TMEM117: variants seen among roughly 807,000 people sequenced by gnomAD.
The protein encoded by TMEM117 is transmembrane protein 117.
Under a neutral mutation model 52.4 loss-of-function variants are expected in TMEM117, and 27 were observed. The observed-to-expected ratio is 0.51, with a 90% CI of 0.38 to 0.71. TMEM117 has a LOEUF of 0.71. TMEM117 is among the 30% of genes least tolerant of loss of function. The pLI, the probability that TMEM117 is intolerant of heterozygous loss-of-function variation, is 0.00. For synonymous variants in TMEM117, 215 were observed against 206.3 expected (o/e 1.04, Z -0.36); for missense variants, 556 against 630.5 (o/e 0.88, Z 1.26).
chr12:44,126,923 T>C (rs1427630632), intron 3 of TMEM117, among the ~76,000 whole-genome samples: 1 of 152,190 alleles, frequency 6.6e-6, no homozygotes, highest in South Asian at 2.1e-4. Flanking sequence ...AAGAGAGCCA[T>C]GTAGTTCTGT....
At chr12:44,338,240 C>A (rs1951368290) in intron 6 of TMEM117, among the ~76,000 whole-genome samples, 1 of 152,008 alleles carries the variant, frequency 6.6e-6, no homozygotes, top group Non-Finnish European at 1.5e-5. Flanking sequence ...GGATTTGAAA[C>A]TGATTAAAGA....
At chr12:44,151,984 T>C (rs1302890797) in intron 4 of TMEM117, among the ~76,000 whole-genome samples, 2 of 118,094 alleles carry the variant, frequency 1.7e-5, no homozygotes, top group Non-Finnish European at 3.2e-5. Flanking sequence ...TATATTTATA[T>C]ATAAACATTA....
chr12:44,215,700 A>T (rs1949705909), intron 5 of TMEM117, among the ~76,000 whole-genome samples: 2 of 151,198 alleles, frequency 1.3e-5, no homozygotes, highest in Non-Finnish European at 3.0e-5. Context: ...GAATTTTAGG[A>T]TGATATTTCC....
chr12:44,270,273 A>C (rs1050835338), intron 5 of TMEM117, among the ~76,000 whole-genome samples: 2 of 152,208 alleles, frequency 1.3e-5, no homozygotes, highest in South Asian at 2.1e-4. Flanking sequence ...GGTTGTTAAT[A>C]GTTTCTTTCA....
At chr12:43,971,211 T>TAAA (rs1228715921) in intron 3 of TMEM117, among the ~76,000 whole-genome samples, 4 of 152,168 alleles carry the variant, frequency 2.6e-5, no homozygotes, top group Non-Finnish European at 5.9e-5. Flanking sequence ...ATGCTCTCCT[T>TAAA]ATTATTTCTT....
intron 5 of TMEM117, among the ~76,000 whole-genome samples, chr12:44,258,255 C>CA (rs78408523): frequency 0.17 from 26,379 of 151,896 alleles, 3,148 homozygotes; most frequent in African/African-American, 0.34. Flanking sequence ...CTATTACATT[C>CA]AAAAATGTTT....
rs574920530 is a variant in TMEM117, at chr12:44,130,525, G to A, written c.411-13000G>A. Among the ~76,000 whole-genome samples, 4 of 152,214 alleles carry A rather than the reference G, an allele frequency of 2.6e-5. No individual in the cohort carries two copies. The East Asian group carries it at 7.7e-4, about 29-fold the overall frequency. ...TTTGTAATTATATAATGTTTTTGGT[G>A]AGGGGGTTTTGACTTCTTTTCTGTG... On this transcript the variant is annotated intron_variant, in intron 3 of 7. Coordinates refer to ENST00000266534, the MANE Select transcript of TMEM117 (RefSeq NM_032256.3).
At chr12:43,831,607 A>C (rs1942983061), upstream of TMEM117, among the ~76,000 whole-genome samples, 1 of 150,948 alleles carries the variant, frequency 6.6e-6, no homozygotes, top group Non-Finnish European at 1.5e-5. Context: ...GCAGTGGCGC[A>C]ATCTTGGCTC....
At chr12:44,101,974 A>G (rs1483994272) in intron 3 of TMEM117, among the ~76,000 whole-genome samples, 4 of 152,072 alleles carry the variant, frequency 2.6e-5, no homozygotes, top group African/African-American at 9.7e-5. Flanking sequence ...AAACTGATCT[A>G]TACACATTTA....
At chr12:44,282,128 T>C (rs764577110) in intron 5 of TMEM117, among the ~76,000 whole-genome samples, 6 of 152,186 alleles carry the variant, frequency 3.9e-5, no homozygotes, top group Non-Finnish European at 7.3e-5. Context: ...GTTGCCACCA[T>C]GTAAGAAGTG....
chr12:44,019,279 T>C (rs1477645325), intron 3 of TMEM117, among the ~76,000 whole-genome samples: 1 of 151,922 alleles, frequency 6.6e-6, no homozygotes, highest in African/African-American at 2.4e-5. Flanking sequence ...GCAAGTCCTG[T>C]AGAGCAGGTT....
intron 6 of TMEM117, among the ~76,000 whole-genome samples, chr12:44,327,662 T>A (rs904078370): frequency 6.6e-6 from 1 of 152,226 alleles, no homozygotes; most frequent in Non-Finnish European, 1.5e-5. Flanking sequence ...TAACGGATAG[T>A]TTTAACTTCC....
At chr12:43,852,077 T>C in intron 2 of TMEM117, among the ~76,000 whole-genome samples, 1 of 150,772 alleles carries the variant, frequency 6.6e-6, no homozygotes, top group East Asian at 1.9e-4. Context: ...GATGGGCTGA[T>C]CACGAGGTCA....
At chr12:44,384,572 A>C (rs879634530) in intron 7 of TMEM117, among the ~76,000 whole-genome samples, 4 of 152,132 alleles carry the variant, frequency 2.6e-5, no homozygotes, top group Admixed American at 1.3e-4. Context: ...GATTTTTAAC[A>C]TGTTAAATAT....
intron 5 of TMEM117, chr12:44,263,521 T>G (rs746325216): frequency 2.0e-5 from 3 of 152,254 alleles, no homozygotes; most frequent in Non-Finnish European, 2.9e-5. Context: ...TAAATCATTC[T>G]ACCATAAAGA....
chr12:43,898,038 A>ACG (rs759609805), intron 2 of TMEM117, among the ~76,000 whole-genome samples: 14 of 138,466 alleles, frequency 1.0e-4, no homozygotes, highest in Non-Finnish European at 1.7e-4. Flanking sequence ...GCACACACAC[A>ACG]CACACGCACG....
chr12:44,197,400 G>GCATC, intron 4 of TMEM117, among the ~76,000 whole-genome samples: 1 of 152,208 alleles, frequency 6.6e-6, no homozygotes, highest in East Asian at 1.9e-4. Flanking sequence ...GAGACGGTAT[G>GCATC]CATCCTGAAA....
At chr12:43,797,043 T>C in the TMEM117 span, 4 of 1,611,306 alleles carry the variant, frequency 2.5e-6, no homozygotes, top group Non-Finnish European at 3.4e-6. Context: ...GCAGCTAGAA[T>C]ACAGCATCCG....
rs775461664 is a variant in TMEM117, at chr12:44,384,936, GTAT to G, written c.899-3085_899-3083del. On this transcript the variant is annotated intron_variant, in intron 7 of 7. Coordinates refer to ENST00000266534, the MANE Select transcript of TMEM117 (RefSeq NM_032256.3). The stretch of plus-strand genomic sequence containing the variant: ...ATAATCCTTTGAGGTAGTTACACTG[GTAT>G]TATTCTCCATTTCACAGAATAAAAA... Among the ~76,000 whole-genome samples the G allele has an allele frequency of 5.9e-5, 9 of 152,222 alleles. No individual in the cohort carries two copies. In the South Asian group the frequency reaches 1.7e-3, roughly 28 times the overall value.
Sources: gnomAD v4.1 joint callset for allele counts (sites outside exome capture counted in the v4.1 genomes callset) on GRCh38, gnomAD v4.1.1 for gene constraint, MANE v1.5 for transcripts, NCBI Gene and HGNC (gene_info 2026-07-23, HGNC 2026-07-21) for gene names.